Variants in AP3S2 observed in about 807,000 individuals in gnomAD.
The protein encoded by AP3S2 is AP-3 complex subunit sigma-2.
A neutral mutation model predicts 23.4 loss-of-function variants in AP3S2; 22 were observed. The ratio of observed to expected loss-of-function variants is 0.94; its 90% CI spans 0.67 to 1.34. AP3S2 has a LOEUF of 1.34. AP3S2 is among the 40% of genes most tolerant of loss of function. AP3S2 has a pLI of 0.00. For synonymous variants in AP3S2, 86 were observed against 87.1 expected (o/e 0.99, Z 0.07); for missense variants, 241 against 236.9 (o/e 1.02, Z -0.11).
intron 3 of AP3S2, among the ~76,000 whole-genome samples, chr15:89,884,336 TC>T (rs1363692222): frequency 6.6e-6 from 1 of 152,200 alleles, no homozygotes; most frequent in Non-Finnish European, 1.5e-5. Flanking sequence ...GTATAATTCT[TC>T]TATTTAATAG....
At chr15:89,863,826 A>C (rs1212936136) in intron 4 of AP3S2, among the ~76,000 whole-genome samples, 1 of 152,216 alleles carries the variant, frequency 6.6e-6, no homozygotes, top group Non-Finnish European at 1.5e-5. Context: ...ACAGAGTTCA[A>C]GGTGATGTTC....
In AP3S2 at chr15:89,889,247, C is replaced by G. The variant is rs1896765386; in HGVS notation, c.70-107G>C. On this transcript the variant is annotated intron_variant, in intron 1 of 5. Coordinates refer to ENST00000336418, the MANE Select transcript of AP3S2 (RefSeq NM_005829.5). ...TGTTTCTAAGCTGGGAACATCTAAACATTTAGTACTTGTTTCTAGAAATGA... is the reference window on the plus strand; with the variant it reads ...TGTTTCTAAGCTGGGAACATCTAAAGATTTAGTACTTGTTTCTAGAAATGA... 3.5e-6 allele frequency: 4 copies of G among 1,140,300 alleles called. No individual in the cohort carries two copies. The Admixed American group carries it at 8.9e-5, about 25-fold the overall frequency. 70.6% of individuals were successfully genotyped at this position (1,140,300 alleles called of 1,614,324 possible).
intron 4 of AP3S2, among the ~76,000 whole-genome samples, chr15:89,853,572 C>T (rs531369065): frequency 1.3e-5 from 2 of 149,742 alleles, no homozygotes; most frequent in African/African-American, 2.5e-5. Context: ...GGCCGCCCAT[C>T]GTCTGGGATG....
intron 3 of AP3S2, among the ~76,000 whole-genome samples, chr15:89,880,061 T>C (rs4932265): frequency 0.76 from 114,171 of 150,220 alleles, 43,473 homozygotes; most frequent in East Asian, 0.8. Flanking sequence ...AAAATGTGCA[T>C]CTTAGGATAT....
At chr15:89,890,437 T>C (rs1314423051) in intron 1 of AP3S2, among the ~76,000 whole-genome samples, 2 of 152,222 alleles carry the variant, frequency 1.3e-5, no homozygotes, top group Admixed American at 6.5e-5. Context: ...ATTATACATA[T>C]GAGTTTCAGA....
intron 1 of AP3S2, among the ~76,000 whole-genome samples, chr15:89,892,402 T>A (rs1896840245): frequency 6.6e-6 from 1 of 152,172 alleles, no homozygotes; most frequent in Admixed American, 6.5e-5. Flanking sequence ...CCGGACACAG[T>A]GGCTCATGCC....
intron 3 of AP3S2, among the ~76,000 whole-genome samples, chr15:89,879,532 T>C (rs183892572): frequency 2.0e-5 from 3 of 152,270 alleles, no homozygotes; most frequent in South Asian, 2.1e-4. Flanking sequence ...AAAAACTGCA[T>C]GTGGAAAAAG....
Position 89,888,618 on chromosome 15 carries a change from G to A in AP3S2, c.176C>T (p.Ser59Phe), listed in dbSNP as rs1479464216. 2 of 1,614,002 alleles carry A rather than the reference G, an allele frequency of 1.2e-6. No homozygotes were observed. Among genetic ancestry groups the A allele is most frequent in the Non-Finnish European group, 1.7e-6 (2 of 1,180,018 alleles). The change falls in exon 3 of 6, where the codon TCT (serine) becomes TTT (phenylalanine). Residue 59 changes from serine to phenylalanine, a missense_variant. Physicochemically the swap from Ser to Phe is radical, Grantham distance 155. Coordinates refer to ENST00000336418, the MANE Select transcript of AP3S2 (RefSeq NM_005829.5). ...FLEGGSLIGG[S>F]DYKLIYRHYA... ...GTGCCGGTAGATCAGTTTGTAGTCA[G>A]AGCCACCAATCAAACTGCAGAAGAT...
At chr15:89,866,812 G>C (rs1209510187) in intron 4 of AP3S2, among the ~76,000 whole-genome samples, 3 of 149,800 alleles carry the variant, frequency 2.0e-5, no homozygotes, top group Non-Finnish European at 2.9e-5. Flanking sequence ...TACAGATTTC[G>C]TGGTGTCTAA....
At position 89,871,521 on chromosome 15, in the gene AP3S2, C is replaced by T. The variant is rs1896318946; in HGVS notation, c.299G>A (p.Cys100Tyr). ...IQVFVETLDKCFENVCELDLI... is the reference protein window; with the variant it reads ...IQVFVETLDKYFENVCELDLI... ...ATCCAATTCACACACATTTTCGAAACACTTATCCAGAGTTTCCACAAAAAC... is the reference window on the plus strand; with the variant it reads ...ATCCAATTCACACACATTTTCGAAATACTTATCCAGAGTTTCCACAAAAAC... The change falls in exon 4 of 6, where the codon TGT (cysteine) becomes TAT (tyrosine). Residue 100 changes from cysteine to tyrosine, a missense_variant. By Grantham distance (194) the Cys-to-Tyr change is radical. Coordinates refer to ENST00000336418, the MANE Select transcript of AP3S2 (RefSeq NM_005829.5). 6.2e-7 allele frequency: 1 copy of T among 1,613,684 alleles called. No individual in the cohort carries two copies. Among genetic ancestry groups the T allele is most frequent in the Non-Finnish European group, 8.5e-7 (1 of 1,179,896 alleles).
At chr15:89,884,907 A>G (rs1896659512) in intron 3 of AP3S2, among the ~76,000 whole-genome samples, 1 of 152,074 alleles carries the variant, frequency 6.6e-6, no homozygotes. Flanking sequence ...CTCGGCCCCC[A>G]AAGTGCTGGG....
chr15:89,877,528 C>T (rs954759993), intron 3 of AP3S2: 27 of 597,542 alleles, frequency 4.5e-5, no homozygotes, highest in Non-Finnish European at 6.6e-5. Flanking sequence ...CCATCACCAC[C>T]ATCCATGTTC....
chr15:89,848,750 G>A (rs1434186524), intron 4 of AP3S2: 1 of 152,126 alleles, frequency 6.6e-6, no homozygotes, highest in Non-Finnish European at 1.5e-5. Flanking sequence ...TCTATACTTG[G>A]GGGCATGGTG....
chr15:89,852,168 T>A (rs964481090), intron 4 of AP3S2, among the ~76,000 whole-genome samples: 2 of 152,188 alleles, frequency 1.3e-5, no homozygotes, highest in Non-Finnish European at 2.9e-5. Flanking sequence ...AAACCTCAGT[T>A]TCTTCATCTG....
At chr15:89,848,873 T>A (rs981562457) in intron 4 of AP3S2, 1 of 152,192 alleles carries the variant, frequency 6.6e-6, no homozygotes, top group African/African-American at 2.4e-5. Context: ...TCCCATATTA[T>A]ACATTTTAGA....
intron 1 of AP3S2, among the ~76,000 whole-genome samples, chr15:89,892,232 C>T (rs957212033): frequency 3.9e-5 from 6 of 152,104 alleles, no homozygotes; most frequent in Admixed American, 3.9e-4. Context: ...CTCTCTGGGG[C>T]TGGGAGAGTC....
chr15:89,871,638 C>T lies in AP3S2; in HGVS notation c.274-92G>A. The T allele has an allele frequency of 2.3e-6, 3 of 1,296,954 alleles. No individual in the cohort carries two copies. The South Asian group carries it at 4.0e-5, about 17-fold the overall frequency. The allele number at this position is 1,296,954 out of a possible 1,614,324, so 80.3% of individuals were successfully genotyped here. ...CATCTGAAAGTAAAAGGGGCTGTCACAATACTATTTACTTTATGATAAATC... is the reference window on the plus strand; with the variant it reads ...CATCTGAAAGTAAAAGGGGCTGTCATAATACTATTTACTTTATGATAAATC... On this transcript the variant is annotated intron_variant, in intron 3 of 5. Transcript: ENST00000336418.
Position 89,835,360 on chromosome 15 carries a change from C to T in AP3S2, c.*155G>A. On this transcript the variant is annotated 3_prime_UTR_variant, in exon 6 of 6. Coordinates refer to ENST00000336418, the MANE Select transcript of AP3S2 (RefSeq NM_005829.5). ...GAGCAGTGTCAATAGGAATCCCTTC[C>T]CTATTCCATGCCAAACAGTCTTCCC... is the stretch of plus-strand genomic sequence containing the variant. 1 of 1,324,312 alleles carries T rather than the reference C, an allele frequency of 7.6e-7. No individual in the cohort carries two copies. 82.0% of individuals were successfully genotyped at this position (1,324,312 alleles called of 1,614,324 possible).
At chr15:89,863,920 G>A (rs1405955489) in intron 4 of AP3S2, among the ~76,000 whole-genome samples, 1 of 152,184 alleles carries the variant, frequency 6.6e-6, no homozygotes, top group Non-Finnish European at 1.5e-5. Flanking sequence ...ACTTGAATTA[G>A]CAACTGCTCT....
Sources: allele counts gnomAD v4.1 joint callset (sites outside exome capture counted in the v4.1 genomes callset), GRCh38; gene constraint gnomAD v4.1.1; transcripts MANE v1.5; gene names NCBI Gene and HGNC (gene_info 2026-07-23, HGNC 2026-07-21).